The following ANXA4 variants were observed in gnomAD, a reference collection of about 807,000 sequenced individuals.
The protein encoded by ANXA4 is annexin A4.
ANXA4 carries 39 observed loss-of-function variants against 49.8 expected under a neutral mutation model. That is an observed-to-expected ratio of 0.78 (90% CI 0.61 to 1.02). ANXA4 has a LOEUF of 1.02. ANXA4 is among the 50% of genes least tolerant of loss of function. ANXA4 has a pLI of 0.00. For synonymous variants in ANXA4, 134 were observed against 152.5 expected (o/e 0.88, Z 0.89); for missense variants, 360 against 410.1 (o/e 0.88, Z 1.05).
At chr2:69,787,064 C>T (rs1402740285) in intron 2 of ANXA4, among the ~76,000 whole-genome samples, 1 of 152,164 alleles carries the variant, frequency 6.6e-6, no homozygotes, top group Admixed American at 6.5e-5. Context: ...TTTCTCTCCA[C>T]CTGTGTGATT....
chr2:69,753,144 G>C (rs1355149878), intron 1 of ANXA4, among the ~76,000 whole-genome samples: 1 of 152,082 alleles, frequency 6.6e-6, no homozygotes, highest in African/African-American at 2.4e-5. Flanking sequence ...CTTAGATTAC[G>C]TGCTTCTTGA....
At position 69,781,548 on chromosome 2, in the gene ANXA4, T is replaced by C; in HGVS notation, c.-18T>C. On this transcript the variant is annotated 5_prime_UTR_variant, in exon 2 of 13. Coordinates refer to ENST00000394295, the MANE Select transcript of ANXA4 (RefSeq NM_001153.5). ...AACTTCTGCTTGGGTGGCTGAACTCTGATCTTGACCTAGAGTCATGGCCAT... is the reference window on the plus strand; with the variant it reads ...AACTTCTGCTTGGGTGGCTGAACTCCGATCTTGACCTAGAGTCATGGCCAT... 6.2e-7 allele frequency: 1 copy of C among 1,614,040 alleles called. No individual in the cohort carries two copies. Among genetic ancestry groups the C allele is most frequent in the Non-Finnish European group, 8.5e-7 (1 of 1,179,992 alleles).
At chr2:69,824,199 T>C (rs1674362167) in intron 12 of ANXA4, among the ~76,000 whole-genome samples, 1 of 151,920 alleles carries the variant, frequency 6.6e-6, no homozygotes, top group Admixed American at 6.5e-5. Context: ...TTGTAACCCA[T>C]ATCAAAATGT....
chr2:69,656,437 A>G (rs978547822), intron 2 of ANXA4, among the ~76,000 whole-genome samples: 7 of 146,610 alleles, frequency 4.8e-5, no homozygotes, highest in South Asian at 2.1e-4. Flanking sequence ...GTGTATATAT[A>G]TATATGATAC....
intron 2 of ANXA4, among the ~76,000 whole-genome samples, chr2:69,708,053 T>C (rs1044371952): frequency 2.6e-5 from 4 of 152,228 alleles, no homozygotes; most frequent in African/African-American, 7.2e-5. Flanking sequence ...GTGCCCAACA[T>C]AGAACATAAT....
intron 2 of ANXA4, among the ~76,000 whole-genome samples, chr2:69,656,881 A>C (rs1174842598): frequency 6.6e-6 from 1 of 152,086 alleles, no homozygotes; most frequent in African/African-American, 2.4e-5. Flanking sequence ...AGGAGGGCAG[A>C]GATTAGGCCA....
intron 2 of ANXA4, among the ~76,000 whole-genome samples, chr2:69,689,450 CT>C (rs1007396477): frequency 1.3e-5 from 2 of 152,038 alleles, no homozygotes; most frequent in Non-Finnish European, 2.9e-5. Flanking sequence ...CACATTTATA[CT>C]TTTTTTCCCT....
At chr2:69,656,504 T>TG (rs1676500785) in intron 2 of ANXA4, among the ~76,000 whole-genome samples, 1 of 148,488 alleles carries the variant, frequency 6.7e-6, no homozygotes, top group South Asian at 2.1e-4. Flanking sequence ...ATTAGAAACT[T>TG]CAGAGTTTAG....
rs146170673 is a variant in ANXA4 at position 69,824,054 on chromosome 2, G to T, written c.907-1402G>T. Among the ~76,000 whole-genome samples the T allele has an allele frequency of 4.5e-3, 686 of 151,896 alleles. 7 individuals carry two copies. The highest frequency in any genetic ancestry group is 0.014 in the African/African-American group (590 of 41,428). Reference sequence around the variant, plus strand: ...TGACCACACCACTGTTCTCCAGCCTGGGTGATAGAGCAAGACCCTGTCTCT... The same window carrying T: ...TGACCACACCACTGTTCTCCAGCCTTGGTGATAGAGCAAGACCCTGTCTCT... On this transcript the variant is annotated intron_variant, in intron 12 of 12. Transcript: ENST00000394295.
At chr2:69,780,641 C>T (rs1672157353) in intron 1 of ANXA4, among the ~76,000 whole-genome samples, 1 of 152,124 alleles carries the variant, frequency 6.6e-6, no homozygotes, top group Admixed American at 6.5e-5. Context: ...ACTCGGGAGG[C>T]TGAGGCAGGA....
At chr2:69,794,522 ATTATGTTATGTTATGTTATG>A (rs58396740) in intron 3 of ANXA4, among the ~76,000 whole-genome samples, 42 of 126,338 alleles carry the variant, frequency 3.3e-4, no homozygotes, top group Non-Finnish European at 4.0e-4. Flanking sequence ...GTTATGTTAT[ATTATGTTATGTTATGTTATG>A]TTATGTTATG....
At chr2:69,668,908 C>T (rs1010535576) in intron 2 of ANXA4, among the ~76,000 whole-genome samples, 1 of 151,090 alleles carries the variant, frequency 6.6e-6, no homozygotes, top group African/African-American at 2.4e-5. Flanking sequence ...TTTATTTAAA[C>T]ATATACTTTA....
chr2:69,752,011 C>CATATA, intron 1 of ANXA4, among the ~76,000 whole-genome samples: 1 of 152,266 alleles, frequency 6.6e-6, no homozygotes, highest in South Asian at 2.1e-4. Context: ...TATGTGCAGA[C>CATATA]TGCCATGGAG....
chr2:69,726,081 AATCTC>A (rs1669956789), intron 3 of ANXA4, among the ~76,000 whole-genome samples: 1 of 152,164 alleles, frequency 6.6e-6, no homozygotes, highest in Non-Finnish European at 1.5e-5. Flanking sequence ...TCCCCACCCA[AATCTC>A]ATCTCGAATT....
intron 2 of ANXA4, among the ~76,000 whole-genome samples, chr2:69,656,321 A>G (rs868755552): frequency 3.0e-5 from 3 of 98,918 alleles, no homozygotes; most frequent in African/African-American, 1.3e-4. Context: ...ATGTATATAT[A>G]TGTATATATA....
chr2:69,806,917 A>C (rs1673465339), intron 5 of ANXA4, among the ~76,000 whole-genome samples: 1 of 152,128 alleles, frequency 6.6e-6, no homozygotes, highest in Admixed American at 6.5e-5. Context: ...TGGGTAATGA[A>C]ATAATCTGTA....
rs1491346907 is a variant in ANXA4, at chr2:69,656,188, CGT to C, written n.766+2907_766+2908del. On this transcript the variant is annotated intron_variant and non_coding_transcript_variant, in intron 2 of 3. Coordinates refer to the ANXA4 transcript ENST00000418066. ...TTAAAGTATAATTAAAATATATATA[CGT>C]ATATATATATATATACACACACATA... Among the ~76,000 whole-genome samples, 10 of 111,904 alleles carry C rather than the reference CGT, an allele frequency of 8.9e-5. 1 individual carries two copies. The highest frequency in any genetic ancestry group is 1.4e-4 in the Non-Finnish European group (8 of 58,380). The allele number at this position is 111,904 out of a possible 152,430, so 73.4% of individuals were successfully genotyped here. A position where few individuals can be genotyped will look rare whatever the true frequency, so the allele number is the denominator to read the frequency against.
At chr2:69,726,307 C>T (rs1377450100) in intron 3 of ANXA4, among the ~76,000 whole-genome samples, 2 of 152,172 alleles carry the variant, frequency 1.3e-5, no homozygotes, top group Non-Finnish European at 2.9e-5. Context: ...GCCTCCCCAG[C>T]CATTCAGAAC....
At chr2:69,784,217 T>G (rs753863034) in intron 2 of ANXA4, among the ~76,000 whole-genome samples, 9 of 152,228 alleles carry the variant, frequency 5.9e-5, no homozygotes, top group Admixed American at 2.0e-4. Flanking sequence ...ATATGGATAT[T>G]TATCATGCTA....
Sources: gnomAD v4.1 joint callset for allele counts (sites outside exome capture counted in the v4.1 genomes callset) on GRCh38, gnomAD v4.1.1 for gene constraint, MANE v1.5 for transcripts, NCBI Gene and HGNC (gene_info 2026-07-23, HGNC 2026-07-21) for gene names.